Variants in WDR88 observed in about 807,000 individuals in gnomAD.
WDR88 encodes the protein WD repeat-containing protein 88.
Under a neutral mutation model 46.8 loss-of-function variants are expected in WDR88, and 40 were observed. The observed-to-expected ratio is 0.86, with a 90% CI of 0.66 to 1.11. The LOEUF (loss-of-function observed/expected upper bound fraction) is 1.11, where lower values mean the gene tolerates loss of function less well. WDR88 is among the 50% of genes most tolerant of loss of function. WDR88 has a pLI of 0.00. For missense variants in WDR88, 562 were observed against 602.4 expected (o/e 0.93, Z 0.70); for synonymous variants, 235 against 240.7 (o/e 0.98, Z 0.22).
At position 33,141,229 on chromosome 19, in the gene WDR88, T is replaced by TTTTTTTTG. The variant is rs1475615247; in HGVS notation, c.387+3449_387+3450insGTTTTTTT. On this transcript the variant is annotated intron_variant, in intron 2 of 10. Coordinates refer to ENST00000355868, the MANE Select transcript of WDR88 (RefSeq NM_173479.4). ...TGGGATTACAGGTGTGGGAGCATGT[T>TTTTTTTTG]TTTTTTTTTTTCTTTTTTGACACAG... 1.3e-4 allele frequency among the ~76,000 whole-genome samples: 16 copies of TTTTTTTTG among 119,032 alleles called. 1 individual carries two copies. Among genetic ancestry groups the TTTTTTTTG allele is most frequent in the Admixed American group, 1.3e-3 (15 of 11,554 alleles). The allele number at this position is 119,032 out of a possible 152,430, so 78.1% of individuals were successfully genotyped here.
intron 7 of WDR88, among the ~76,000 whole-genome samples, chr19:33,157,549 A>ATG (rs1308194530): frequency 7.8e-6 from 1 of 128,468 alleles, no homozygotes; most frequent in East Asian, 2.3e-4. Context: ...ATGTATATAT[A>ATG]TGTGTATATA....
At chr19:33,156,610 T>C in intron 7 of WDR88, 68 bp downstream of exon 7, 9 of 1,512,990 alleles carry the variant, frequency 5.9e-6, no homozygotes, top group South Asian at 3.9e-5. Flanking sequence ...CCATGTTCCG[T>C]TCAAATGGAC....
intron 6 of WDR88, among the ~76,000 whole-genome samples, chr19:33,153,106 A>G (rs2145394100): frequency 6.6e-6 from 1 of 152,194 alleles, no homozygotes; most frequent in African/African-American, 2.4e-5. Context: ...GCTGGAGTGC[A>G]GTGACGTGAT....
At chr19:33,136,561 C>G (rs1168746208) in intron 1 of WDR88, among the ~76,000 whole-genome samples, 1 of 151,708 alleles carries the variant, frequency 6.6e-6, no homozygotes, top group Non-Finnish European at 1.5e-5. Flanking sequence ...GTGCTATCAA[C>G]TATTTTTATT....
At chr19:33,159,598 G>A (rs1973828891) in intron 7 of WDR88, among the ~76,000 whole-genome samples, 1 of 152,064 alleles carries the variant, frequency 6.6e-6, no homozygotes, top group Non-Finnish European at 1.5e-5. Flanking sequence ...ATCAACTGAT[G>A]AGAATGTGAC....
intron 4 of WDR88, 125 bp from the exon 5 acceptor site, chr19:33,148,647 C>T: frequency 8.5e-7 from 1 of 1,175,482 alleles, no homozygotes; most frequent in Non-Finnish European, 1.2e-6. Context: ...GCATGTTTCC[C>T]AGGCTAGTCT....
At chr19:33,137,365 T>C (rs1034882746) in intron 1 of WDR88, among the ~76,000 whole-genome samples, 1 of 151,824 alleles carries the variant, frequency 6.6e-6, no homozygotes, top group African/African-American at 2.4e-5. Context: ...GTGATTCTCC[T>C]GCCTCAGCCT....
chr19:33,143,467 G>C (rs1448990663), intron 2 of WDR88, among the ~76,000 whole-genome samples: 1 of 151,260 alleles, frequency 6.6e-6, no homozygotes, highest in Non-Finnish European at 1.5e-5. Flanking sequence ...AATATAGTGA[G>C]ACCTTGTTTC....
intron 2 of WDR88, 101 bp downstream of exon 2, chr19:33,137,888 G>T: frequency 1.0e-6 from 1 of 982,990 alleles, no homozygotes; most frequent in Admixed American, 2.6e-5. Context: ...AGGCACTTGT[G>T]GGTCCTGGTT....
At chr19:33,141,116 T>C (rs2145369024) in intron 2 of WDR88, among the ~76,000 whole-genome samples, 1 of 151,822 alleles carries the variant, frequency 6.6e-6, no homozygotes, top group Non-Finnish European at 1.5e-5. Flanking sequence ...TTTTTGTTTT[T>C]CGTAGAGACA....
rs560133114 is a variant in WDR88 at position 33,160,815 on chromosome 19, G to C, written c.1080+319G>C. 4.6e-5 allele frequency among the ~76,000 whole-genome samples: 7 copies of C among 152,282 alleles called. No homozygotes were observed. The East Asian group carries it at 1.2e-3, about 25-fold the overall frequency. ...GTGGGGATCTTGAAGAAGAAGGGCAGTCCAGGCAGATGGAACAGCTGATGC... is the reference window on the plus strand; with the variant it reads ...GTGGGGATCTTGAAGAAGAAGGGCACTCCAGGCAGATGGAACAGCTGATGC... On this transcript the variant is annotated intron_variant, in intron 8 of 10. Coordinates refer to ENST00000355868, the MANE Select transcript of WDR88 (RefSeq NM_173479.4).
At chr19:33,147,609 AAG>A in intron 3 of WDR88, 34 bp from the exon 4 acceptor site, 1 of 1,609,234 alleles carries the variant, frequency 6.2e-7, no homozygotes, top group Non-Finnish European at 8.5e-7. Context: ...TCTCAAAAAA[AAG>A]AACCAGTGTT....
chr19:33,159,102 G>A (rs369489876), intron 7 of WDR88, among the ~76,000 whole-genome samples: 396 of 151,846 alleles, frequency 2.6e-3, no homozygotes, highest in South Asian at 0.024. Context: ...GTGCTGAGGC[G>A]GGAGTATTGC....
intron 9 of WDR88, 149 bp from the exon 10 acceptor site, chr19:33,172,199 G>T: frequency 1.6e-6 from 1 of 629,800 alleles, no homozygotes; most frequent in Middle Eastern, 4.5e-4. Flanking sequence ...GCCTCTTCAG[G>T]TTGGCTTCTA....
chr19:33,173,694 G>A (rs1316347973), intron 10 of WDR88, among the ~76,000 whole-genome samples: 1 of 152,252 alleles, frequency 6.6e-6, no homozygotes, highest in Non-Finnish European at 1.5e-5. Context: ...AACTGTGAAA[G>A]CTGACTTGCT....
chr19:33,138,664 TTTCC>T lies in WDR88; in HGVS notation c.387+880_387+883del, dbSNP rs61421012. 2.0e-4 allele frequency among the ~76,000 whole-genome samples: 25 copies of T among 124,200 alleles called. No individual in the cohort carries two copies. In the East Asian group the frequency reaches 2.8e-3, roughly 14 times the overall value. 81.5% of individuals were successfully genotyped at this position (124,200 alleles called of 152,430 possible). A position where few individuals can be genotyped will look rare whatever the true frequency, so the allele number is the denominator to read the frequency against. On this transcript the variant is annotated intron_variant, in intron 2 of 10. Transcript: ENST00000355868. ...GCCTGGCCCCCACACCTTTTTTTTT[TTTCC>T]TTTCTTTTCTTTTCTTTTCTTTTTT... is the stretch of plus-strand genomic sequence containing the variant.
intron 9 of WDR88, among the ~76,000 whole-genome samples, chr19:33,165,615 A>G (rs1386174361): frequency 1.3e-5 from 2 of 152,202 alleles, no homozygotes; most frequent in African/African-American, 4.8e-5. Flanking sequence ...AATATTGGCC[A>G]GGTGAAGTGG....
chr19:33,136,820 G>A (rs1973276469), intron 1 of WDR88, among the ~76,000 whole-genome samples: 1 of 152,008 alleles, frequency 6.6e-6, no homozygotes, highest in East Asian at 1.9e-4. Context: ...CAAGTGATCC[G>A]CCTGCTTCAG....
intron 7 of WDR88, among the ~76,000 whole-genome samples, 176 bp downstream of exon 7, chr19:33,156,718 G>A (rs983748700): frequency 1.3e-5 from 2 of 152,108 alleles, no homozygotes; most frequent in Non-Finnish European, 2.9e-5. Context: ...AGTTTACAGT[G>A]GTAGAAACTC....
Sources: gnomAD v4.1 joint callset for allele counts (sites outside exome capture counted in the v4.1 genomes callset) on GRCh38, gnomAD v4.1.1 for gene constraint, MANE v1.5 for transcripts, NCBI Gene and HGNC (gene_info 2026-07-23, HGNC 2026-07-21) for gene names.